DDHD2: variants seen among roughly 807,000 people sequenced by gnomAD.
DDHD2 encodes the protein DDHD domain containing 2.
A neutral mutation model predicts 91.2 loss-of-function variants in DDHD2; 62 were observed. That is an observed-to-expected ratio of 0.68 (90% CI 0.55 to 0.84). DDHD2 has a LOEUF of 0.84. Ranked by LOEUF, DDHD2 falls within the 40% of genes least tolerant of loss-of-function variation. The pLI is 0.00. For synonymous variants in DDHD2, 271 were observed against 293.9 expected (o/e 0.92, Z 0.80); for missense variants, 740 against 846.9 (o/e 0.87, Z 1.57).
downstream of DDHD2, chr8:38,265,599 T>C (rs1759281910): frequency 1.3e-5 from 2 of 152,214 alleles, no homozygotes; most frequent in South Asian, 4.1e-4. Context: ...CCTCAATTTT[T>C]GTATTTTTAG....
At chr8:38,256,388 G>A (rs1806513150) in intron 16 of DDHD2, among the ~76,000 whole-genome samples, 1 of 152,018 alleles carries the variant, frequency 6.6e-6, no homozygotes, top group Non-Finnish European at 1.5e-5. Context: ...CTGTTGCCTA[G>A]ATCTCTGGGC....
At chr8:38,266,695 C>T (rs191182871), downstream of DDHD2, among the ~76,000 whole-genome samples, 8 of 152,130 alleles carry the variant, frequency 5.3e-5, no homozygotes, top group South Asian at 6.2e-4. Flanking sequence ...CCACCACACC[C>T]GGCCATGAGG....
rs1440842148 is a variant in DDHD2, at chr8:38,261,274, CAT to C, written c.*702_*703del. ...AGAGTCTAAAGTTGACAAGTTAGTTCATGTTAGGTGCATCTTTATAAAGCAAA... is the reference window on the plus strand; with the variant it reads ...AGAGTCTAAAGTTGACAAGTTAGTTCGTTAGGTGCATCTTTATAAAGCAAA... On this transcript the variant is annotated 3_prime_UTR_variant, in exon 18 of 18. Coordinates refer to ENST00000397166, the MANE Select transcript of DDHD2 (RefSeq NM_015214.3). The C allele has an allele frequency of 6.6e-6, 1 of 152,176 alleles. No individual in the cohort carries two copies. The highest frequency in any genetic ancestry group is 2.4e-5 in the African/African-American group (1 of 41,446). The allele number at this position is 152,176 out of a possible 1,614,324, so 9.4% of individuals were successfully genotyped here.
In DDHD2 at chr8:38,262,142, C is replaced by T. The variant is rs1318819815; in HGVS notation, c.*1569C>T. 6.6e-6 allele frequency: 1 copy of T among 152,006 alleles called. No individual in the cohort carries two copies. Among genetic ancestry groups the T allele is most frequent in the Non-Finnish European group, 1.5e-5 (1 of 68,018 alleles). 9.4% of individuals were successfully genotyped at this position (152,006 alleles called of 1,614,324 possible). Reference sequence around the variant, plus strand: ...TTATAGTCTAGTGCTAAGTATGCCACTAAGTTTCAGATATATGGAATACTT... The same window carrying T: ...TTATAGTCTAGTGCTAAGTATGCCATTAAGTTTCAGATATATGGAATACTT... On this transcript the variant is annotated 3_prime_UTR_variant, in exon 18 of 18. Transcript: ENST00000397166.
intron 6 of DDHD2, 184 bp from the exon 7 acceptor site, chr8:38,242,066 T>G: frequency 1.9e-6 from 1 of 540,310 alleles, no homozygotes; most frequent in Non-Finnish European, 3.2e-6. Flanking sequence ...AAAAAAAAAG[T>G]TATTAAAGAA....
chr8:38,264,702 C>T, downstream of DDHD2: 2 of 1,434,204 alleles, frequency 1.4e-6, no homozygotes, highest in East Asian at 2.5e-5. Flanking sequence ...GGATACTCTA[C>T]TGTGGGGCTA....
intron 1 of DDHD2, chr8:38,268,632 C>T: frequency 7.0e-7 from 1 of 1,438,646 alleles, no homozygotes; most frequent in Non-Finnish European, 9.1e-7. Context: ...GCCCGTGCGG[C>T]TCGGGCCCCG....
At chr8:38,253,362 A>C (rs570808353) in intron 15 of DDHD2, 194 bp from the exon 16 acceptor site, 1 of 747,146 alleles carries the variant, frequency 1.3e-6, no homozygotes, top group Non-Finnish European at 2.1e-6. Flanking sequence ...CGCAAAAGCA[A>C]AAAAGGGGAT....
intron 5 of DDHD2, among the ~76,000 whole-genome samples, chr8:38,239,578 T>G (rs1035809314): frequency 2.0e-5 from 3 of 147,924 alleles, no homozygotes; most frequent in African/African-American, 7.5e-5. Context: ...TCCCAACTAC[T>G]CGGGAGGCTG....
chr8:38,236,006 G>A (rs1804706951), intron 3 of DDHD2, among the ~76,000 whole-genome samples: 1 of 152,090 alleles, frequency 6.6e-6, no homozygotes, highest in Non-Finnish European at 1.5e-5. Flanking sequence ...TTGGAGTAGA[G>A]CGTTAGTATT....
intron 6 of DDHD2, among the ~76,000 whole-genome samples, chr8:38,241,255 G>A (rs1294998085): frequency 6.6e-6 from 1 of 151,716 alleles, no homozygotes. Context: ...AAAGTATTGG[G>A]TGGTGCTTGT....
At chr8:38,269,429 T>A (rs1808345871) in intron 1 of DDHD2, among the ~76,000 whole-genome samples, 1 of 152,258 alleles carries the variant, frequency 6.6e-6, no homozygotes, top group East Asian at 1.9e-4. Flanking sequence ...TCCAGCCGAG[T>A]AGGTCGGCGT....
chr8:38,269,302 C>T, intron 1 of DDHD2: 2 of 1,202,378 alleles, frequency 1.7e-6, no homozygotes, highest in Non-Finnish European at 2.2e-6. Context: ...GCCCGCGCTC[C>T]GGCGGCTCCC....
At chr8:38,237,352 G>A (rs988910521) in intron 3 of DDHD2, among the ~76,000 whole-genome samples, 186 bp from the exon 4 acceptor site, 2 of 151,948 alleles carry the variant, frequency 1.3e-5, no homozygotes, top group African/African-American at 2.4e-5. Flanking sequence ...ACCCAGCCTG[G>A]GCGACAGAGT....
downstream of DDHD2, chr8:38,263,455 A>G (rs1214759342): frequency 1.0e-6 from 1 of 985,242 alleles, no homozygotes; most frequent in Non-Finnish European, 1.2e-6. Flanking sequence ...AGTTATGGTC[A>G]AATGAGGTAG....
chr8:38,246,632 A>G (rs1805656221), intron 9 of DDHD2, among the ~76,000 whole-genome samples: 1 of 152,340 alleles, frequency 6.6e-6, no homozygotes, highest in African/African-American at 2.4e-5. Context: ...ACCTTAGGTC[A>G]GGAGTTCAAG....
At chr8:38,266,309 C>T (rs528597448), downstream of DDHD2, 1 of 1,610,176 alleles carries the variant, frequency 6.2e-7, no homozygotes, top group Non-Finnish European at 8.5e-7. Context: ...CCAGCAAATG[C>T]AACTGGAACA....
chr8:38,234,912 T>G (rs1804591383), intron 3 of DDHD2, among the ~76,000 whole-genome samples: 1 of 151,890 alleles, frequency 6.6e-6, no homozygotes. Flanking sequence ...GGATTACAGG[T>G]GGCCGCCACC....
At chr8:38,253,900 C>G (rs568488153) in intron 16 of DDHD2, among the ~76,000 whole-genome samples, 182 bp downstream of exon 16, 1 of 151,974 alleles carries the variant, frequency 6.6e-6, no homozygotes. Flanking sequence ...GGAAACATAG[C>G]AAGACCTCAT....
Sources: gnomAD v4.1 joint callset for allele counts (sites outside exome capture counted in the v4.1 genomes callset) on GRCh38, gnomAD v4.1.1 for gene constraint, MANE v1.5 for transcripts, NCBI Gene and HGNC (gene_info 2026-07-23, HGNC 2026-07-21) for gene names.